Variants in HDAC9 observed in about 807,000 individuals in gnomAD.
HDAC9 encodes the protein histone deacetylase 9.
In HDAC9, 41 loss-of-function variants were observed where a neutral mutation model predicts 139.4. The observed-to-expected ratio is 0.29, with a 90% confidence interval of 0.23 to 0.38. HDAC9 has a LOEUF of 0.38. Ranked by LOEUF, HDAC9 falls within the 10% of genes least tolerant of loss-of-function variation. The probability of loss-of-function intolerance (pLI) is 1.00; values close to 1 mark genes in which losing one functional copy is unlikely to be tolerated. For missense variants in HDAC9, 1,147 were observed against 1,297.0 expected, an observed-to-expected ratio of 0.88 and a Z score of 1.78; for synonymous variants, 517 against 476.2, an observed-to-expected ratio of 1.09 and a Z score of -1.12.
chr7:18,977,949 C>T (rs1003970079), intron 25 of HDAC9, among the ~76,000 whole-genome samples: 1 of 150,856 alleles, frequency 6.6e-6, no homozygotes, highest in African/African-American at 2.5e-5. Flanking sequence ...CACACACACA[C>T]ACACACACAC....
intron 2 of HDAC9, among the ~76,000 whole-genome samples, chr7:18,536,390 C>G (rs1810913551): frequency 6.6e-6 from 1 of 152,132 alleles, no homozygotes; most frequent in Admixed American, 6.5e-5. Flanking sequence ...AAATTTGTAA[C>G]TTAATTTGGA....
At chr7:18,687,815 C>T (rs1433377677) in intron 12 of HDAC9, among the ~76,000 whole-genome samples, 1 of 151,784 alleles carries the variant, frequency 6.6e-6, no homozygotes, top group African/African-American at 2.4e-5. Context: ...TGTTTTTTCA[C>T]AAGGGAAACA....
At chr7:18,596,458 G>A (rs1011524165) in intron 6 of HDAC9, among the ~76,000 whole-genome samples, 25 of 152,038 alleles carry the variant, frequency 1.6e-4, no homozygotes, top group African/African-American at 4.3e-4. Flanking sequence ...ACATATATTT[G>A]CACTAAAAGA....
chr7:18,938,777 TAC>T lies in HDAC9; in HGVS notation c.2937+2836_2937+2837del, dbSNP rs1428296161. 2.6e-5 allele frequency among the ~76,000 whole-genome samples: 4 copies of T among 152,206 alleles called. No homozygotes were observed. In the East Asian group the frequency reaches 7.7e-4, roughly 29 times the overall value. On this transcript the variant is annotated intron_variant, in intron 23 of 25. Transcript: ENST00000686413. ...GGTCAGAGTTTGAACATTAATAATC[TAC>T]TGCATATTGCAAAAGATAGTCAAAG...
At chr7:18,863,535 G>A (rs1798265310) in intron 21 of HDAC9, among the ~76,000 whole-genome samples, 1 of 152,148 alleles carries the variant, frequency 6.6e-6, no homozygotes, top group African/African-American at 2.4e-5. Context: ...ATGTGGCCCA[G>A]GGAAGCCAAA....
At chr7:18,958,080 G>A (rs189103613) in intron 24 of HDAC9, among the ~76,000 whole-genome samples, 25 of 152,204 alleles carry the variant, frequency 1.6e-4, no homozygotes, top group Middle Eastern at 3.4e-3. Flanking sequence ...CTGGCCACAT[G>A]TATGTGAATA....
chr7:18,182,584 T>A (rs956664097), intron 2 of HDAC9, among the ~76,000 whole-genome samples: 2 of 152,238 alleles, frequency 1.3e-5, no homozygotes, highest in Non-Finnish European at 2.9e-5. Context: ...TTTCACTGCA[T>A]TTTCTTTATG....
chr7:18,644,377 T>G (rs1245971364), intron 8 of HDAC9, among the ~76,000 whole-genome samples: 1 of 152,140 alleles, frequency 6.6e-6, no homozygotes, highest in Non-Finnish European at 1.5e-5. Context: ...AATTTTATCA[T>G]TGTACTTTAT....
intron 7 of HDAC9, among the ~76,000 whole-genome samples, chr7:18,632,507 A>C (rs1337851704): frequency 6.6e-6 from 1 of 152,030 alleles, no homozygotes; most frequent in African/African-American, 2.4e-5. Flanking sequence ...CTTGGACCTT[A>C]TAGGTGGGAT....
intron 12 of HDAC9, among the ~76,000 whole-genome samples, chr7:18,716,805 G>T (rs1028499360): frequency 6.6e-6 from 1 of 152,092 alleles, no homozygotes; most frequent in Non-Finnish European, 1.5e-5. Context: ...CCCATTGTGT[G>T]TGCATACAAA....
At chr7:18,693,562 T>G (rs1210073624) in intron 12 of HDAC9, among the ~76,000 whole-genome samples, 1 of 152,134 alleles carries the variant, frequency 6.6e-6, no homozygotes, top group Non-Finnish European at 1.5e-5. Context: ...CTTCTGGTGG[T>G]GCAGCAGCAC....
chr7:18,564,870 T>A (rs1011353854), intron 2 of HDAC9, among the ~76,000 whole-genome samples: 2 of 152,104 alleles, frequency 1.3e-5, no homozygotes, highest in South Asian at 4.1e-4. Context: ...TACTTGCCCT[T>A]ATTTTAAACT....
intron 14 of HDAC9, among the ~76,000 whole-genome samples, chr7:18,761,047 G>T (rs568211169): frequency 6.6e-6 from 1 of 152,288 alleles, no homozygotes; most frequent in South Asian, 2.1e-4. Flanking sequence ...TTTCACTGTT[G>T]TTCTGTACTT....
At chr7:18,417,990 C>T (rs188708978) in intron 1 of HDAC9, among the ~76,000 whole-genome samples, 11 of 152,230 alleles carry the variant, frequency 7.2e-5, no homozygotes, top group Admixed American at 2.0e-4. Flanking sequence ...ATGTCCACCA[C>T]GCTCCCCCGG....
At position 18,593,985 on chromosome 7, in the gene HDAC9, C is replaced by G; in HGVS notation, c.620C>G (p.Pro207Arg). Residue 207 changes from proline to arginine, a missense_variant, in exon 6 of 26, where the codon CCA becomes CGA. By Grantham distance (103) the Pro-to-Arg change is moderately radical. This residue lies in a region of HDAC9 where 79 missense variants were observed against 65.8 expected (regional missense o/e 1.20). Transcript: ENST00000686413. ...GTSPSYKYTL[P>R]GAQDAKDDFP... Reference sequence around the variant, plus strand: ...TCTCCATCCTACAAGTACACATTACCAGGAGCACAAGATGCAAAGGATGAT... The same window carrying G: ...TCTCCATCCTACAAGTACACATTACGAGGAGCACAAGATGCAAAGGATGAT... 3 of 1,612,776 alleles carry G rather than the reference C, an allele frequency of 1.9e-6. No individual in the cohort carries two copies. Among genetic ancestry groups the G allele is most frequent in the Non-Finnish European group, 2.5e-6 (3 of 1,179,040 alleles).
chr7:18,585,316 C>T lies in HDAC9; in HGVS notation c.58C>T (p.Pro20Ser). The T allele has an allele frequency of 3.7e-6, 6 of 1,613,586 alleles. No individual in the cohort carries two copies. Among genetic ancestry groups the T allele is most frequent in the Non-Finnish European group, 5.1e-6 (6 of 1,179,852 alleles). ...GTCAGAAGTTCCTGTGGGCCTGGAGCCCATCTCACCTTTAGACCTAAGGAC... is the reference window on the plus strand; with the variant it reads ...GTCAGAAGTTCCTGTGGGCCTGGAGTCCATCTCACCTTTAGACCTAAGGAC... ...VKSEVPVGLE[P>S]ISPLDLRTDL... The change falls in exon 3 of 26, where the codon CCC (proline) becomes TCC (serine). Residue 20 changes from proline (P) to serine (S), a missense_variant. Physicochemically the swap from Pro to Ser is moderately conservative, Grantham distance 74 (BLOSUM62 -1). Transcript: ENST00000686413.
chr7:18,242,283 TAAC>T (rs1794240091), intron 2 of HDAC9, among the ~76,000 whole-genome samples: 1 of 152,218 alleles, frequency 6.6e-6, no homozygotes, highest in African/African-American at 2.4e-5. Flanking sequence ...TTGTGTGACT[TAAC>T]AACTATTATA....
rs202035867 is a variant in HDAC9, at chr7:18,767,208, AT to A, written c.2214+54del. On this transcript the variant is annotated intron_variant, in intron 16 of 25. Coordinates refer to ENST00000686413, the MANE Select transcript of HDAC9 (RefSeq NM_178425.4). The stretch of plus-strand genomic sequence containing the variant: ...AAATAACATAAAATTACAAAAAAAA[AT>A]CTTTTTTGATTTATCTATTCAGTTT... The A allele has an allele frequency of 8.6e-4, 905 of 1,052,044 alleles. 5 individuals are homozygous for A. The African/African-American group carries it at 0.013, about 15-fold the overall frequency. The allele number at this position is 1,052,044 out of a possible 1,614,324, so 65.2% of individuals were successfully genotyped here. A position where few individuals can be genotyped will look rare whatever the true frequency, so the allele number is the denominator to read the frequency against.
intron 2 of HDAC9, among the ~76,000 whole-genome samples, chr7:18,275,392 C>T (rs1029885568): frequency 5.3e-5 from 8 of 152,156 alleles, no homozygotes; most frequent in African/African-American, 1.2e-4. Context: ...CCAGCCCCAC[C>T]GTTTATTCTT....
Sources: allele counts gnomAD v4.1 joint callset (sites outside exome capture counted in the v4.1 genomes callset), GRCh38; gene constraint gnomAD v4.1.1; regional missense constraint gnomAD v4.1.1; transcripts MANE v1.5; gene names NCBI Gene and HGNC (gene_info 2026-07-23, HGNC 2026-07-21).